AGBL1: variants seen among roughly 807,000 people sequenced by gnomAD.
The protein encoded by AGBL1 is AGBL carboxypeptidase 1.
Under a neutral mutation model 118.9 loss-of-function variants are expected in AGBL1, and 130 were observed. The observed-to-expected ratio is 1.09, with a 90% CI of 0.95 to 1.26. The LOEUF is 1.26. Ranked by LOEUF, AGBL1 falls within the 50% of genes most tolerant of loss-of-function variation. The pLI is 0.00. For missense variants in AGBL1, 1,584 were observed against 1,298.1 expected (o/e 1.22, Z -3.38); for synonymous variants, 555 against 478.9 (o/e 1.16, Z -2.08).
intron 22 of AGBL1, among the ~76,000 whole-genome samples, chr15:86,685,214 G>C (rs1256341539): frequency 1.3e-5 from 2 of 152,104 alleles, no homozygotes; most frequent in African/African-American, 4.8e-5. Context: ...GACACCTCAG[G>C]AGAAAGAAGT....
Position 86,996,059 on chromosome 15 carries a change from A to AT in AGBL1, c.3323+7977dup, listed in dbSNP as rs546270694. 4.6e-5 allele frequency among the ~76,000 whole-genome samples: 7 copies of AT among 152,178 alleles called. No individual in the cohort carries two copies. The East Asian group carries it at 1.4e-3, about 29-fold the overall frequency. On this transcript the variant is annotated intron_variant, in intron 24 of 24. Coordinates refer to the AGBL1 transcript ENST00000441037. ...TTTACCCTGTTCCCATCAGCTTTGC[A>AT]TTTTTTACAAACCCCATAACCATCA...
rs2084685129 is a variant in AGBL1 at position 86,613,585 on chromosome 15, C to T, written c.2994+59048C>T. Among the ~76,000 whole-genome samples the T allele has an allele frequency of 6.6e-6, 1 of 152,108 alleles. No individual in the cohort carries two copies. Among genetic ancestry groups the T allele is most frequent in the Admixed American group, 6.5e-5 (1 of 15,270 alleles). ...ATTGTAAAGTAGGAAATTACCTGAG[C>T]CAGATTTCAGATCACAGAAAGTAAG... On this transcript the variant is annotated intron_variant, in intron 21 of 22. Transcript: ENST00000614907. The surrounding 1 kb of genome is among the most constrained non-coding windows in gnomAD (Gnocchi z 4.2).
chr15:86,367,232 A>G (rs2080902017), intron 17 of AGBL1, among the ~76,000 whole-genome samples: 1 of 152,192 alleles, frequency 6.6e-6, no homozygotes, highest in Non-Finnish European at 1.5e-5. Context: ...AAACTAAACA[A>G]TGCCCTCAGA....
intron 24 of AGBL1, among the ~76,000 whole-genome samples, chr15:87,007,506 T>A (rs960062735): frequency 3.3e-5 from 5 of 152,198 alleles, no homozygotes; most frequent in African/African-American, 1.2e-4. Flanking sequence ...CAAAACAACA[T>A]ACTTTTTCTT....
intron 21 of AGBL1, among the ~76,000 whole-genome samples, chr15:86,625,346 C>T (rs538428598): frequency 2.2e-4 from 31 of 138,534 alleles, no homozygotes; most frequent in Non-Finnish European, 3.7e-4. Flanking sequence ...TGACAGCCTC[C>T]AAGGTAGAAG....
At chr15:86,152,568 G>A (rs757944400) in intron 3 of AGBL1, among the ~76,000 whole-genome samples, 8 of 152,156 alleles carry the variant, frequency 5.3e-5, no homozygotes, top group Non-Finnish European at 1.0e-4. Flanking sequence ...AACCCCAGAA[G>A]AAAACCTAGG....
chr15:86,120,342 G>A (rs571885512), intron 1 of AGBL1, among the ~76,000 whole-genome samples: 3 of 152,142 alleles, frequency 2.0e-5, no homozygotes, highest in Non-Finnish European at 4.4e-5. Context: ...CACTCCTAAT[G>A]TTCCCATAGT....
chr15:86,311,840 T>G (rs1357862390), intron 17 of AGBL1, among the ~76,000 whole-genome samples: 1 of 152,210 alleles, frequency 6.6e-6, no homozygotes, highest in African/African-American at 2.4e-5. Flanking sequence ...GCTTGTTCCC[T>G]TGCAGCTGGT....
At position 86,926,384 on chromosome 15, in the gene AGBL1, G is replaced by A. The variant is rs74027173; in HGVS notation, c.3222-61603G>A. ...CTTTGAACCATTCAGGCCAGGCAAG[G>A]TGCTAGCCAGTCACAATGACTTTCC... On this transcript the variant is annotated intron_variant, in intron 23 of 24. Coordinates refer to the AGBL1 transcript ENST00000441037. Among the ~76,000 whole-genome samples the A allele has an allele frequency of 2.9e-3, 440 of 152,286 alleles. 1 individual carries two copies. The highest frequency in any genetic ancestry group is 9.7e-3 in the African/African-American group (404 of 41,558).
At chr15:86,970,106 A>G (rs983898888) in intron 23 of AGBL1, among the ~76,000 whole-genome samples, 4 of 152,050 alleles carry the variant, frequency 2.6e-5, no homozygotes, top group African/African-American at 7.2e-5. Context: ...TAACTCTAGT[A>G]GCTTATTCTG....
At chr15:86,655,722 A>T (rs1292885380) in intron 21 of AGBL1, among the ~76,000 whole-genome samples, 1 of 152,204 alleles carries the variant, frequency 6.6e-6, no homozygotes, top group African/African-American at 2.4e-5. Context: ...GGAGAAGGGA[A>T]GTCATTGCTA....
chr15:86,443,975 T>C (rs930855350), intron 18 of AGBL1, among the ~76,000 whole-genome samples: 3 of 152,222 alleles, frequency 2.0e-5, no homozygotes, highest in Admixed American at 6.5e-5. Flanking sequence ...TACTTTGTAG[T>C]AGGATTGCTG....
chr15:86,820,336 A>G (rs1244198851), intron 22 of AGBL1, among the ~76,000 whole-genome samples: 1 of 152,234 alleles, frequency 6.6e-6, no homozygotes, highest in African/African-American at 2.4e-5. Flanking sequence ...AAAAGAAACT[A>G]TCACCAGAGT....
intron 1 of AGBL1, among the ~76,000 whole-genome samples, chr15:86,111,130 G>A (rs188562893): frequency 9.2e-5 from 14 of 152,226 alleles, no homozygotes; most frequent in Non-Finnish European, 4.4e-5. Context: ...CCAATGCCCC[G>A]GTTGGTCCTG....
intron 17 of AGBL1, among the ~76,000 whole-genome samples, chr15:86,355,350 G>T (rs1164710897): frequency 2.0e-5 from 3 of 152,130 alleles, no homozygotes; most frequent in Non-Finnish European, 4.4e-5. Context: ...TCATCGGTCA[G>T]GTATACATAG....
At chr15:86,844,129 A>G (rs902602966) in intron 22 of AGBL1, among the ~76,000 whole-genome samples, 12 of 152,148 alleles carry the variant, frequency 7.9e-5, no homozygotes, top group African/African-American at 2.2e-4. Context: ...TTATCCATGC[A>G]CCAGTTTATA....
At chr15:86,217,465 C>T (rs557300460) in intron 5 of AGBL1, among the ~76,000 whole-genome samples, 498 of 152,110 alleles carry the variant, frequency 3.3e-3, no homozygotes, top group Admixed American at 5.8e-3. Flanking sequence ...GAAGAGGAGA[C>T]AGAAATTAAT....
intron 22 of AGBL1, among the ~76,000 whole-genome samples, chr15:86,711,683 C>A (rs747804107): frequency 8.5e-5 from 13 of 152,168 alleles, no homozygotes; most frequent in African/African-American, 3.1e-4. Flanking sequence ...TAAGTCCAGC[C>A]TATGACCTGT....
At chr15:86,379,371 A>G (rs2081082796) in intron 17 of AGBL1, among the ~76,000 whole-genome samples, 1 of 152,102 alleles carries the variant, frequency 6.6e-6, no homozygotes, top group Admixed American at 6.5e-5. Flanking sequence ...CATCTTTCTA[A>G]ATTTTTATGT....
Sources: allele counts gnomAD v4.1 joint callset (sites outside exome capture counted in the v4.1 genomes callset), GRCh38; gene constraint gnomAD v4.1.1; non-coding constraint Gnocchi (gnomAD v3.1); transcripts MANE v1.5; gene names NCBI Gene and HGNC (gene_info 2026-07-23, HGNC 2026-07-21).